The following EEF1AKMT2 variants were observed in gnomAD, a reference collection of about 807,000 sequenced individuals.
EEF1AKMT2 encodes the protein eukaryotic translation elongation factor 1 alpha lysine methyltransferase 2.
A neutral mutation model predicts 35.8 loss-of-function variants in EEF1AKMT2; 32 were observed. That is an observed-to-expected ratio of 0.89 (90% confidence interval 0.67 to 1.20). The LOEUF is 1.20. Among genes scored for constraint, EEF1AKMT2 ranks in the 50% most tolerant of loss-of-function variants. The probability of loss-of-function intolerance (pLI) is 0.00; values close to 1 mark genes in which losing one functional copy is unlikely to be tolerated. For missense variants in EEF1AKMT2, 330 were observed against 347.5 expected, an observed-to-expected ratio of 0.95 and a Z score of 0.40; for synonymous variants, 121 against 133.7, an observed-to-expected ratio of 0.91 and a Z score of 0.65.
rs1375112980 is a variant in EEF1AKMT2, at chr10:124,762,489, G to A, written c.686C>T (p.Thr229Ile). The change falls in exon 6 of 7, where the codon ACT becomes ATT. Residue 229 changes from threonine to isoleucine, a missense_variant. Coordinates refer to ENST00000368836, the MANE Select transcript of EEF1AKMT2 (RefSeq NM_212554.4). ...LTSWAQAIFS[T>I]SASRVGGTTG... Reference sequence around the variant, plus strand: ...AGTTCCACCTACTCGGGAGGCTGAAGTGGAAAAGATCGCTTGAGCCCAGGA... The same window carrying A: ...AGTTCCACCTACTCGGGAGGCTGAAATGGAAAAGATCGCTTGAGCCCAGGA... The A allele has an allele frequency of 1.5e-5, 19 of 1,292,940 alleles. No homozygotes were observed. The highest frequency in any genetic ancestry group is 1.9e-5 in the Non-Finnish European group (19 of 981,108). The allele number at this position is 1,292,940 out of a possible 1,614,324, so 80.1% of individuals were successfully genotyped here. A position where few individuals can be genotyped will look rare whatever the true frequency, so the allele number is the denominator to read the frequency against.
chr10:124,764,708 G>A lies in EEF1AKMT2; in HGVS notation c.616+684C>T, dbSNP rs1335664417. 2.0e-5 allele frequency among the ~76,000 whole-genome samples: 3 copies of A among 152,186 alleles called. No homozygotes were observed. In the East Asian group the frequency reaches 5.8e-4, roughly 29 times the overall value. ...CCTAAATGACCGCTAGTGCAAGACA[G>A]CTAAAGTATCTATAATATCAAAACT... On this transcript the variant is annotated intron_variant, in intron 5 of 6. Transcript: ENST00000368836.
intron 4 of EEF1AKMT2, among the ~76,000 whole-genome samples, chr10:124,773,946 ACT>A (rs1950462352): frequency 1.3e-5 from 2 of 152,204 alleles, no homozygotes; most frequent in Non-Finnish European, 2.9e-5. Context: ...CCTGTCTATA[ACT>A]CTAGAGCTGA....
At chr10:124,764,451 C>A (rs550861529) in intron 5 of EEF1AKMT2, among the ~76,000 whole-genome samples, 7 of 152,168 alleles carry the variant, frequency 4.6e-5, no homozygotes, top group Admixed American at 1.3e-4. Context: ...ATGCAAGGAA[C>A]AGTCTGCCAG....
intron 3 of EEF1AKMT2, among the ~76,000 whole-genome samples, chr10:124,778,351 T>A (rs1395356902): frequency 1.3e-5 from 2 of 151,934 alleles, no homozygotes; most frequent in Non-Finnish European, 2.9e-5. Context: ...AGCCTCAGAT[T>A]CAAGAAACAG....
chr10:124,769,248 A>ATATATATATATATATATATATATATG (rs60863408), intron 4 of EEF1AKMT2, among the ~76,000 whole-genome samples: 2 of 63,818 alleles, frequency 3.1e-5, no homozygotes, highest in African/African-American at 1.1e-4. Context: ...ATATATATAT[A>ATATATATATATATATATATATATATG]TGTGTGTATA....
rs1487779818 is a variant in EEF1AKMT2, at chr10:124,759,241, G to A, written c.*1262C>T. 1 of 152,096 alleles carries A rather than the reference G, an allele frequency of 6.6e-6. No homozygotes were observed. Among genetic ancestry groups the A allele is most frequent in the Non-Finnish European group, 1.5e-5 (1 of 68,018 alleles). 9.4% of individuals were successfully genotyped at this position (152,096 alleles called of 1,614,324 possible). Reference sequence around the variant, plus strand: ...AAAACATTAATAAACTGTTTCTCTTGCCAAATTAGCCCCTAACTAGAACAT... The same window carrying A: ...AAAACATTAATAAACTGTTTCTCTTACCAAATTAGCCCCTAACTAGAACAT... On this transcript the variant is annotated 3_prime_UTR_variant, in exon 7 of 7. Coordinates refer to ENST00000368836, the MANE Select transcript of EEF1AKMT2 (RefSeq NM_212554.4).
rs769992589 is a variant in EEF1AKMT2, at chr10:124,791,847, C to T, written c.-14G>A. On this transcript the variant is annotated 5_prime_UTR_variant, in exon 1 of 7. Coordinates refer to ENST00000368836, the MANE Select transcript of EEF1AKMT2 (RefSeq NM_212554.4). ...GCCCGAGCTCATTTCGCTCCACGTC[C>T]TGGACGGCCGTTGGGGCCGCCATAG... 10 of 1,557,280 alleles carry T rather than the reference C, an allele frequency of 6.4e-6. No individual in the cohort carries two copies. The African/African-American group carries it at 8.2e-5, about 13-fold the overall frequency.
Position 124,760,092 on chromosome 10 carries a change from T to C in EEF1AKMT2, c.*411A>G. The C allele has an allele frequency of 3.4e-6, 1 of 297,024 alleles. No homozygotes were observed. Among genetic ancestry groups the C allele is most frequent in the Middle Eastern group, 9.6e-4 (1 of 1,038 alleles). The allele number at this position is 297,024 out of a possible 1,614,324, so 18.4% of individuals were successfully genotyped here. A position where few individuals can be genotyped will look rare whatever the true frequency, so the allele number is the denominator to read the frequency against. On this transcript the variant is annotated 3_prime_UTR_variant, in exon 7 of 7. Coordinates refer to ENST00000368836, the MANE Select transcript of EEF1AKMT2 (RefSeq NM_212554.4). ...TTTACCAAGGCACAAAAATCAAGAATACATGCTTTCTATAAACTCATTTAC... is the reference window on the plus strand; with the variant it reads ...TTTACCAAGGCACAAAAATCAAGAACACATGCTTTCTATAAACTCATTTAC...
In EEF1AKMT2 at chr10:124,787,326, A is replaced by G. The variant is rs376145472; in HGVS notation, c.291+1717T>C. Among the ~76,000 whole-genome samples, 45 of 150,368 alleles carry G rather than the reference A, an allele frequency of 3.0e-4. 1 individual carries two copies. The East Asian group carries it at 8.4e-3, about 28-fold the overall frequency. On this transcript the variant is annotated intron_variant, in intron 3 of 6. Transcript: ENST00000368836. ...CGTGCGCCTGTAATCCCAGCTACTC[A>G]TGAGGCTGAGGCACGAGAACCACTT...
intron 3 of EEF1AKMT2, among the ~76,000 whole-genome samples, chr10:124,780,840 G>GA (rs576760961): frequency 2.0e-5 from 3 of 151,208 alleles, no homozygotes. Context: ...AAAAGACAAA[G>GA]AAAAAAAATC....
chr10:124,774,635 C>A (rs1456979198), intron 4 of EEF1AKMT2, 40 bp downstream of exon 4: 2 of 1,037,434 alleles, frequency 1.9e-6, no homozygotes. Context: ...AAACATTTAA[C>A]CTCTATTGTA....
rs1256110240 is a variant in EEF1AKMT2, at chr10:124,760,365, G to A, written c.*138C>T. On this transcript the variant is annotated 3_prime_UTR_variant, in exon 7 of 7. Coordinates refer to ENST00000368836, the MANE Select transcript of EEF1AKMT2 (RefSeq NM_212554.4). ...TTTTCTGTGTCAGGTTAACTTTGCT[G>A]TGTAGATTCTGTGTAGCTACCTGAA... 2 of 1,349,640 alleles carry A rather than the reference G, an allele frequency of 1.5e-6. No individual in the cohort carries two copies. The highest frequency in any genetic ancestry group is 1.1e-6 in the Non-Finnish European group (1 of 948,002). The allele number at this position is 1,349,640 out of a possible 1,614,324, so 83.6% of individuals were successfully genotyped here.
At chr10:124,774,325 C>CCACCG (rs1318630023) in intron 4 of EEF1AKMT2, among the ~76,000 whole-genome samples, 2 of 141,730 alleles carry the variant, frequency 1.4e-5, no homozygotes, top group African/African-American at 5.2e-5. Context: ...CGAGATGGCG[C>CCACCG]CACCGCACTC....
intron 3 of EEF1AKMT2, among the ~76,000 whole-genome samples, chr10:124,778,731 A>G (rs926011200): frequency 1.3e-5 from 2 of 151,868 alleles, no homozygotes; most frequent in African/African-American, 2.4e-5. Flanking sequence ...CCAAAAAAAA[A>G]AAAAAAGAAA....
downstream of EEF1AKMT2, among the ~76,000 whole-genome samples, chr10:124,756,471 TTTTAAG>T (rs1176237892): frequency 5.9e-5 from 9 of 152,224 alleles, no homozygotes; most frequent in African/African-American, 2.2e-4. Flanking sequence ...ATTCCTATCT[TTTTAAG>T]TTTATTTCCC....
In EEF1AKMT2 at chr10:124,789,030, TAAAAGTACCAACAAGTTCAACCAGG is replaced by T. The variant is rs752262310; in HGVS notation, c.279_291+12del. On this transcript the variant is annotated splice_donor_variant and splice_donor_5th_base_variant and coding_sequence_variant and intron_variant, in exon 3 of 7. Coordinates refer to ENST00000368836, the MANE Select transcript of EEF1AKMT2 (RefSeq NM_212554.4). LOFTEE classifies it high-confidence loss of function. ...AAATTTGTCTTTAACAAACAAATAC[TAAAAGTACCAACAAGTTCAACCAGG>T]AAAACACCATTTCCAGTTCCAATAT... The T allele has an allele frequency of 6.3e-7, 1 of 1,595,294 alleles. No homozygotes were observed. The highest frequency in any genetic ancestry group is 8.6e-7 in the Non-Finnish European group (1 of 1,167,710).
chr10:124,778,389 C>A (rs761841545), intron 3 of EEF1AKMT2, among the ~76,000 whole-genome samples: 26 of 152,094 alleles, frequency 1.7e-4, no homozygotes, highest in Admixed American at 2.6e-4. Context: ...TGAAAGCAAA[C>A]TCCACCTAGA....
intron 2 of EEF1AKMT2, 32 bp from the exon 3 acceptor site, chr10:124,789,189 G>T: frequency 4.1e-6 from 6 of 1,456,096 alleles, no homozygotes; most frequent in Non-Finnish European, 5.8e-6. Flanking sequence ...ATAACTGAGG[G>T]ATACAGAGCA....
intron 3 of EEF1AKMT2, among the ~76,000 whole-genome samples, chr10:124,786,606 G>A (rs1282408956): frequency 6.6e-6 from 1 of 151,606 alleles, no homozygotes; most frequent in Non-Finnish European, 1.5e-5. Context: ...CTGAGGTCAG[G>A]AGTTTGAGAA....
Sources: allele counts gnomAD v4.1 joint callset (sites outside exome capture counted in the v4.1 genomes callset), GRCh38; gene constraint gnomAD v4.1.1; transcripts MANE v1.5; gene names NCBI Gene and HGNC (gene_info 2026-07-23, HGNC 2026-07-21).